The following OR56A3 variants were observed in gnomAD, a reference collection of about 807,000 sequenced individuals.
OR56A3 encodes olfactory receptor 56A3.
In OR56A3, 23 loss-of-function variants were observed where a neutral mutation model predicts 17.5. That is an observed-to-expected ratio of 1.32 (90% CI 0.95 to 1.87). The LOEUF is 1.87. OR56A3 is among the 40% of genes most tolerant of loss of function. The probability of loss-of-function intolerance (pLI) is 0.00; values close to 1 mark genes in which losing one functional copy is unlikely to be tolerated. For synonymous variants in OR56A3, 175 were observed against 150.6 expected, an observed-to-expected ratio of 1.16 and a Z score of -1.19; for missense variants, 366 against 380.1, an observed-to-expected ratio of 0.96 and a Z score of 0.31.
the OR56A3 span, among the ~76,000 whole-genome samples, chr11:5,991,758 C>T: frequency 6.6e-6 from 1 of 152,164 alleles, no homozygotes. Context: ...CTGTTTCTGT[C>T]ATCTTCATCT....
At chr11:5,961,763 A>T in the OR56A3 span, among the ~76,000 whole-genome samples, 1 of 151,916 alleles carries the variant, frequency 6.6e-6, no homozygotes, top group African/African-American at 2.4e-5. Flanking sequence ...AAAAAAAAAA[A>T]AAAAAAAGAA....
At chr11:6,010,107 C>G in the OR56A3 span, among the ~76,000 whole-genome samples, 3 of 152,026 alleles carry the variant, frequency 2.0e-5, no homozygotes, top group African/African-American at 7.2e-5. Context: ...ATTAGGACTT[C>G]TTTCTCATGC....
At chr11:5,992,560 A>G in the OR56A3 span, among the ~76,000 whole-genome samples, 1 of 152,220 alleles carries the variant, frequency 6.6e-6, no homozygotes, top group Non-Finnish European at 1.5e-5. Flanking sequence ...CTGAAAAAAG[A>G]CAAATGCTGC....
At chr11:5,994,903 G>A in the OR56A3 span, 2 of 756,374 alleles carry the variant, frequency 2.6e-6, no homozygotes, top group Admixed American at 1.7e-5. Context: ...AGTCATTCAG[G>A]CTTTGCATGG....
At chr11:5,981,205 A>G in the OR56A3 span, among the ~76,000 whole-genome samples, 1 of 152,154 alleles carries the variant, frequency 6.6e-6, no homozygotes, top group Non-Finnish European at 1.5e-5. Context: ...TTGAATGTCA[A>G]ACTCTCTACT....
At chr11:5,999,658 T>C in the OR56A3 span, 3 of 152,370 alleles carry the variant, frequency 2.0e-5, no homozygotes, top group East Asian at 5.8e-4. Flanking sequence ...AAGATTTTAT[T>C]GTTGTTTCCA....
chr11:5,967,374 G>A, the OR56A3 span, among the ~76,000 whole-genome samples: 68 of 152,280 alleles, frequency 4.5e-4, 1 homozygote, highest in East Asian at 0.013. Flanking sequence ...TAAGATTCCA[G>A]TCAGTGAAAC....
chr11:6,005,405 G>A, the OR56A3 span, among the ~76,000 whole-genome samples: 2 of 152,280 alleles, frequency 1.3e-5, no homozygotes, highest in Admixed American at 1.3e-4. Context: ...AAGTTCTTTG[G>A]GGAAAAGGAG....
chr11:6,008,058 C>G, the OR56A3 span, among the ~76,000 whole-genome samples: 2 of 152,180 alleles, frequency 1.3e-5, no homozygotes, highest in Non-Finnish European at 2.9e-5. Context: ...CTTGAAAAAA[C>G]AAATGGAATG....
the OR56A3 span, among the ~76,000 whole-genome samples, chr11:5,969,138 G>C: frequency 6.6e-6 from 1 of 152,250 alleles, no homozygotes; most frequent in East Asian, 1.9e-4. Context: ...ACCCATCCTA[G>C]ACATATTTAA....
chr11:5,978,861 A>G, the OR56A3 span, among the ~76,000 whole-genome samples: 2 of 152,052 alleles, frequency 1.3e-5, no homozygotes, highest in Admixed American at 6.6e-5. Context: ...TTTGTCATAG[A>G]TGGCTTTTAT....
chr11:5,997,791 G>A, the OR56A3 span, among the ~76,000 whole-genome samples: 1 of 152,112 alleles, frequency 6.6e-6, no homozygotes, highest in Non-Finnish European at 1.5e-5. Context: ...CCATAAACCG[G>A]GGTCATTTTA....
the OR56A3 span, among the ~76,000 whole-genome samples, chr11:5,979,925 G>T: frequency 6.6e-6 from 1 of 151,938 alleles, no homozygotes; most frequent in African/African-American, 2.4e-5. Context: ...ATTGATTTCT[G>T]CCTTAATTGC....
rs369054113 is a variant in OR56A3, at chr11:5,947,477, G to A, written c.131G>A (p.Gly44Glu). 1.2e-6 allele frequency: 2 copies of A among 1,613,924 alleles called. No individual in the cohort carries two copies. The highest frequency in any genetic ancestry group is 1.7e-6 in the Non-Finnish European group (2 of 1,179,904). ...AGCCTCCTTTTCCTCTTGGCCGTAG[G>A]GGCCAACACCACCCTCCTGATGACC... ...PLSLLFLLAV[G>E]ANTTLLMTIW... The change falls in exon 3 of 3, where the codon GGG (glycine) becomes GAG (glutamate). Residue 44 changes from glycine to glutamate, a missense_variant. Gly to Glu is a moderately conservative substitution (Grantham distance 98). Coordinates refer to ENST00000641160, the MANE Select transcript of OR56A3 (RefSeq NM_001003443.3).
At chr11:5,977,010 T>C in the OR56A3 span, among the ~76,000 whole-genome samples, 260 of 152,286 alleles carry the variant, frequency 1.7e-3, no homozygotes, top group African/African-American at 5.8e-3. Context: ...AGGACAATGG[T>C]TTCCTGCTGC....
chr11:6,020,190 A>G, the OR56A3 span: 2 of 152,160 alleles, frequency 1.3e-5, no homozygotes, highest in Non-Finnish European at 2.9e-5. Context: ...TTCCAATCAA[A>G]TACCAGGATC....
the OR56A3 span, chr11:5,986,436 C>T: frequency 4.3e-5 from 70 of 1,613,886 alleles, no homozygotes; most frequent in Non-Finnish European, 5.7e-5. Context: ...TCACCAGCAC[C>T]ACCATTCCGA....
chr11:6,012,596 C>G, the OR56A3 span, among the ~76,000 whole-genome samples: 1 of 152,178 alleles, frequency 6.6e-6, no homozygotes, highest in Non-Finnish European at 1.5e-5. Flanking sequence ...TCTCGATCCT[C>G]TTCTCTGCTC....
At chr11:6,010,366 C>T in the OR56A3 span, among the ~76,000 whole-genome samples, 38 of 152,272 alleles carry the variant, frequency 2.5e-4, no homozygotes, top group African/African-American at 6.7e-4. Context: ...TACATTGAAA[C>T]TCAATCCCTA....
Sources: allele counts gnomAD v4.1 joint callset (sites outside exome capture counted in the v4.1 genomes callset), GRCh38; gene constraint gnomAD v4.1.1; transcripts MANE v1.5; gene names NCBI Gene and HGNC (gene_info 2026-07-23, HGNC 2026-07-21).